METTL15: variants seen among roughly 807,000 people sequenced by gnomAD.
METTL15 encodes 12S rRNA N(4)-cytidine methyltransferase METTL15.
METTL15 carries 34 observed loss-of-function variants against 38.3 expected under a neutral mutation model. That is an observed-to-expected ratio of 0.89 (90% CI 0.68 to 1.18). The LOEUF is 1.18. METTL15 is among the 50% of genes most tolerant of loss of function. The pLI is 0.00. For synonymous variants in METTL15, 162 were observed against 170.9 expected, an observed-to-expected ratio of 0.95 and a Z score of 0.41; for missense variants, 438 against 498.4, an observed-to-expected ratio of 0.88 and a Z score of 1.15.
At chr11:28,398,041 A>G (rs1221323860) in intron 5 of METTL15, among the ~76,000 whole-genome samples, 10 of 151,972 alleles carry the variant, frequency 6.6e-5, no homozygotes. Context: ...TTGAACAGTG[A>G]GAACACTTGG....
chr11:28,327,206 G>A (rs1204032095), intron 6 of METTL15, among the ~76,000 whole-genome samples: 1 of 152,138 alleles, frequency 6.6e-6, no homozygotes, highest in African/African-American at 2.4e-5. Flanking sequence ...GAGGTTGACA[G>A]GACGACATCT....
intron 6 of METTL15, among the ~76,000 whole-genome samples, chr11:28,320,561 G>A (rs1216299529): frequency 2.0e-5 from 3 of 151,602 alleles, no homozygotes; most frequent in Non-Finnish European, 2.9e-5. Context: ...CTGTGCCCCC[G>A]ACCCCCCAAA....
chr11:28,308,795 CA>C (rs1051081472), intron 6 of METTL15, among the ~76,000 whole-genome samples: 19 of 151,954 alleles, frequency 1.3e-4, no homozygotes, highest in Non-Finnish European at 2.1e-4. Flanking sequence ...CACTGTTTAC[CA>C]TATGTGAGGC....
chr11:28,188,740 G>C (rs535328269), intron 3 of METTL15, among the ~76,000 whole-genome samples: 168 of 151,088 alleles, frequency 1.1e-3, no homozygotes, highest in Non-Finnish European at 1.7e-3. Context: ...AACGTCTTTG[G>C]TAGCATAGTT....
intron 6 of METTL15, among the ~76,000 whole-genome samples, chr11:28,444,061 C>G (rs1224224760): frequency 1.3e-5 from 2 of 152,144 alleles, no homozygotes; most frequent in Non-Finnish European, 2.9e-5. Flanking sequence ...GCTCAATTAT[C>G]ATTACATGGG....
chr11:28,172,558 T>C (rs1850897020), intron 3 of METTL15, among the ~76,000 whole-genome samples: 1 of 152,202 alleles, frequency 6.6e-6, no homozygotes, highest in Non-Finnish European at 1.5e-5. Context: ...CCATTTATTA[T>C]ACCGTTTTAG....
chr11:28,213,741 C>T (rs893304653), intron 4 of METTL15, among the ~76,000 whole-genome samples: 9 of 151,000 alleles, frequency 6.0e-5, no homozygotes, highest in East Asian at 2.0e-4. Context: ...CTGCAAGGTC[C>T]GCCTCCCGGG....
chr11:28,364,306 T>C (rs1850167244), intron 5 of METTL15, among the ~76,000 whole-genome samples: 1 of 152,228 alleles, frequency 6.6e-6, no homozygotes, highest in South Asian at 2.1e-4. Flanking sequence ...ATTCTTCCAA[T>C]CCATGAGCAT....
intron 3 of METTL15, among the ~76,000 whole-genome samples, chr11:28,115,763 C>CA (rs1005099493): frequency 2.6e-5 from 4 of 151,966 alleles, no homozygotes; most frequent in African/African-American, 4.8e-5. Flanking sequence ...CTTGCTGTTG[C>CA]AAGGGTGGCA....
chr11:28,123,835 G>C, intron 3 of METTL15: 1 of 1,391,846 alleles, frequency 7.2e-7, no homozygotes, highest in Non-Finnish European at 9.7e-7. Context: ...TCTTTCTTTT[G>C]TTACATGTAT....
At chr11:28,137,069 A>T (rs1364956197) in intron 3 of METTL15, among the ~76,000 whole-genome samples, 1 of 152,162 alleles carries the variant, frequency 6.6e-6, no homozygotes, top group Non-Finnish European at 1.5e-5. Context: ...AATCTTAGCC[A>T]GTTTGACCAT....
At chr11:28,528,876 T>C (rs911076899), downstream of METTL15, among the ~76,000 whole-genome samples, 1 of 152,200 alleles carries the variant, frequency 6.6e-6, no homozygotes, top group Non-Finnish European at 1.5e-5. Context: ...GTAATGCATC[T>C]TTTAATCTGT....
intron 3 of METTL15, among the ~76,000 whole-genome samples, chr11:28,123,114 A>C (rs183392550): frequency 4.7e-4 from 72 of 152,252 alleles, no homozygotes; most frequent in Non-Finnish European, 5.3e-4. Context: ...AAACAGGTTC[A>C]TTGTATATGA....
At chr11:28,307,345 C>T (rs1438441613) in intron 6 of METTL15, among the ~76,000 whole-genome samples, 1 of 151,902 alleles carries the variant, frequency 6.6e-6, no homozygotes, top group Non-Finnish European at 1.5e-5. Context: ...ATCATCAAAA[C>T]TTGATATATT....
intron 6 of METTL15, among the ~76,000 whole-genome samples, chr11:28,324,681 C>T (rs1849574421): frequency 6.6e-6 from 1 of 152,148 alleles, no homozygotes; most frequent in Non-Finnish European, 1.5e-5. Flanking sequence ...AAAGTATTTT[C>T]ATAATGCTTT....
intron 6 of METTL15, among the ~76,000 whole-genome samples, chr11:28,435,669 A>G (rs1475059438): frequency 6.6e-6 from 1 of 152,196 alleles, no homozygotes; most frequent in African/African-American, 2.4e-5. Flanking sequence ...AGGCTGGCAA[A>G]CTGTTGCCAA....
chr11:28,249,764 G>C (rs1162468693), intron 4 of METTL15, among the ~76,000 whole-genome samples: 2 of 151,764 alleles, frequency 1.3e-5, no homozygotes, highest in Non-Finnish European at 2.9e-5. Flanking sequence ...TACACATGCA[G>C]GTTTGTTATA....
At chr11:28,518,403 G>C (rs1460507323) in intron 6 of METTL15, among the ~76,000 whole-genome samples, 1 of 152,220 alleles carries the variant, frequency 6.6e-6, no homozygotes, top group Non-Finnish European at 1.5e-5. Context: ...CCAGCTTCAA[G>C]CTCACTCCTG....
chr11:28,451,502 G>A (rs1038817044), intron 6 of METTL15, among the ~76,000 whole-genome samples: 3 of 151,754 alleles, frequency 2.0e-5, no homozygotes, highest in South Asian at 2.1e-4. Context: ...GGAGAATGGC[G>A]TGAACCCAGG....
Sources: allele counts gnomAD v4.1 joint callset (sites outside exome capture counted in the v4.1 genomes callset), GRCh38; gene constraint gnomAD v4.1.1; transcripts MANE v1.5; gene names NCBI Gene and HGNC (gene_info 2026-07-23, HGNC 2026-07-21).